AFF3: variants seen among roughly 807,000 people sequenced by gnomAD.
AFF3 encodes the protein ALF transcription elongation factor 3, also known as AF4/FMR2 family member 3.
A neutral mutation model predicts 129.7 loss-of-function variants in AFF3; 32 were observed. The ratio of observed to expected loss-of-function variants is 0.25; its 90% CI spans 0.19 to 0.33. The LOEUF (loss-of-function observed/expected upper bound fraction) is 0.33, where lower values mean the gene tolerates loss of function less well. AFF3 is among the 10% of genes least tolerant of loss of function. AFF3 has a pLI of 1.00. For synonymous variants in AFF3, 644 were observed against 635.4 expected, an observed-to-expected ratio of 1.01 and a Z score of -0.20; for missense variants, 1,373 against 1,592.0, an observed-to-expected ratio of 0.86 and a Z score of 2.34.
At chr2:99,937,764 GTA>G (rs1167444164) in intron 7 of AFF3, among the ~76,000 whole-genome samples, 2 of 152,206 alleles carry the variant, frequency 1.3e-5, no homozygotes, top group African/African-American at 4.8e-5. Flanking sequence ...CTTAAGGATG[GTA>G]TGTCTAGTGA....
intron 11 of AFF3, among the ~76,000 whole-genome samples, chr2:99,722,233 C>T (rs1157980828): frequency 6.6e-6 from 1 of 152,116 alleles, no homozygotes; most frequent in East Asian, 1.9e-4. Flanking sequence ...ATCTAGGTCA[C>T]CTCAAGATCT....
At chr2:99,829,549 T>A (rs1246691660) in intron 8 of AFF3, among the ~76,000 whole-genome samples, 9 of 152,206 alleles carry the variant, frequency 5.9e-5, no homozygotes, top group African/African-American at 2.2e-4. Context: ...TCATCACTGG[T>A]CATTAGAGAA....
At position 99,546,432 on chromosome 2, in the gene AFF3, C is replaced by T. The variant is rs1037771215; in HGVS notation, c.*5042G>A. 6 of 232,816 alleles carry T rather than the reference C, an allele frequency of 2.6e-5. No homozygotes were observed. In the Admixed American group the frequency reaches 3.4e-4, roughly 13 times the overall value. 14.4% of individuals were successfully genotyped at this position (232,816 alleles called of 1,614,324 possible). A position where few individuals can be genotyped will look rare whatever the true frequency, so the allele number is the denominator to read the frequency against. On this transcript the variant is annotated 3_prime_UTR_variant, in exon 25 of 25. Coordinates refer to ENST00000672756, the MANE Select transcript of AFF3 (RefSeq NM_001386135.1). Reference sequence around the variant, plus strand: ...AGGACTCAACTGAACTGCCCATCTGCAAACAAACCCTTTCTGCATTTTTCT... The same window carrying T: ...AGGACTCAACTGAACTGCCCATCTGTAAACAAACCCTTTCTGCATTTTTCT...
intron 8 of AFF3, among the ~76,000 whole-genome samples, chr2:99,834,278 A>C (rs1688705332): frequency 6.6e-6 from 1 of 152,150 alleles, no homozygotes. Flanking sequence ...TAGCTGTGTG[A>C]CCTTGGGCAA....
chr2:99,729,976 C>T (rs1679682358), intron 10 of AFF3, among the ~76,000 whole-genome samples: 1 of 151,914 alleles, frequency 6.6e-6, no homozygotes, highest in African/African-American at 2.4e-5. Context: ...AAAAAATGAG[C>T]CACGGAAAGA....
At chr2:99,941,425 T>C (rs532794433) in intron 7 of AFF3, among the ~76,000 whole-genome samples, 11 of 152,300 alleles carry the variant, frequency 7.2e-5, no homozygotes, top group African/African-American at 1.7e-4. Context: ...TAGCACACCA[T>C]AGTAAATCTA....
intron 12 of AFF3, among the ~76,000 whole-genome samples, chr2:99,662,403 A>G (rs1686325663): frequency 6.6e-6 from 1 of 152,194 alleles, no homozygotes; most frequent in Non-Finnish European, 1.5e-5. Context: ...GACTAAAAAG[A>G]AAAACGAACA....
chr2:99,813,249 G>A (rs1477166765), intron 8 of AFF3, among the ~76,000 whole-genome samples: 3 of 152,144 alleles, frequency 2.0e-5, no homozygotes, highest in Non-Finnish European at 2.9e-5. Flanking sequence ...AGATGAGACG[G>A]CACCAGTTCC....
intron 8 of AFF3, among the ~76,000 whole-genome samples, chr2:99,823,779 G>T (rs968333823): frequency 3.3e-5 from 5 of 152,194 alleles, no homozygotes; most frequent in Admixed American, 6.5e-5. Flanking sequence ...CCACACAAAA[G>T]AATGAAATTC....
chr2:99,853,432 A>C (rs1690289654), intron 7 of AFF3, among the ~76,000 whole-genome samples: 1 of 152,206 alleles, frequency 6.6e-6, no homozygotes, highest in Admixed American at 6.5e-5. Context: ...CACCTGTTCA[A>C]GAAAAAGGAA....
intron 4 of AFF3, among the ~76,000 whole-genome samples, chr2:100,077,060 C>T (rs531426388): frequency 6.6e-6 from 1 of 152,020 alleles, no homozygotes; most frequent in Non-Finnish European, 1.5e-5. Flanking sequence ...ACCAGCCTGG[C>T]GAACACAGTG....
At chr2:99,996,493 T>C (rs1000552607) in intron 7 of AFF3, among the ~76,000 whole-genome samples, 1 of 151,526 alleles carries the variant, frequency 6.6e-6, no homozygotes, top group African/African-American at 2.4e-5. Context: ...CATGAGTAGT[T>C]GGGACTACAG....
chr2:99,599,869 T>C (rs918861864), intron 14 of AFF3, among the ~76,000 whole-genome samples: 1 of 152,192 alleles, frequency 6.6e-6, no homozygotes, highest in African/African-American at 2.4e-5. Context: ...ATTTTTTTCA[T>C]TTTGAATTAT....
In AFF3 at chr2:100,060,201, A is replaced by C. The variant is rs373100605; in HGVS notation, c.53+44201T>G. ...ACTTGTCACCTTTATAGTCACTTGAAGAAGTTGGAAAAATACAGTGAAAGT... is the reference window on the plus strand; with the variant it reads ...ACTTGTCACCTTTATAGTCACTTGACGAAGTTGGAAAAATACAGTGAAAGT... On this transcript the variant is annotated intron_variant, in intron 4 of 24. Coordinates refer to ENST00000672756, the MANE Select transcript of AFF3 (RefSeq NM_001386135.1). Among the ~76,000 whole-genome samples the C allele has an allele frequency of 2.1e-4, 32 of 152,256 alleles. No homozygotes were observed. The South Asian group carries it at 5.8e-3, about 28-fold the overall frequency.
rs116764616 is a variant in AFF3 at position 99,590,073 on chromosome 2, A to C, written c.2467-2795T>G. ...TCCCCTTCTGCCAATCAGAGGCCCTACCTGTGGTGCCCGAGTTGTCAGGCA... is the reference window on the plus strand; with the variant it reads ...TCCCCTTCTGCCAATCAGAGGCCCTCCCTGTGGTGCCCGAGTTGTCAGGCA... On this transcript the variant is annotated intron_variant, in intron 15 of 24. Coordinates refer to ENST00000672756, the MANE Select transcript of AFF3 (RefSeq NM_001386135.1). 1.6e-3 allele frequency among the ~76,000 whole-genome samples: 244 copies of C among 152,240 alleles called. 1 individual carries two copies. Among genetic ancestry groups the C allele is most frequent in the African/African-American group, 5.6e-3 (234 of 41,544 alleles).
Position 99,670,235 on chromosome 2 carries a change from G to A in AFF3, c.1143+2303C>T, listed in dbSNP as rs142502711. ...GGAGAAAAGGAAACCTCAGATAGGA[G>A]TGTTCAAAAGCATGGAGTCTGAGGC... On this transcript the variant is annotated intron_variant, in intron 12 of 24. Transcript: ENST00000672756. 3.3e-5 allele frequency among the ~76,000 whole-genome samples: 5 copies of A among 150,920 alleles called. No individual in the cohort carries two copies. The East Asian group carries it at 7.7e-4, about 23-fold the overall frequency.
chr2:100,074,820 C>T (rs1311481487), intron 4 of AFF3, among the ~76,000 whole-genome samples: 2 of 152,134 alleles, frequency 1.3e-5, no homozygotes, highest in Non-Finnish European at 2.9e-5. Context: ...CTTATTTATG[C>T]CAATAACACA....
At chr2:99,577,092 C>T (rs530836666) in intron 18 of AFF3, among the ~76,000 whole-genome samples, 1 of 152,280 alleles carries the variant, frequency 6.6e-6, no homozygotes, top group Admixed American at 6.5e-5. Flanking sequence ...AACCCAGTTA[C>T]CTTGGAATGT....
intron 7 of AFF3, among the ~76,000 whole-genome samples, chr2:99,916,307 C>G (rs994921397): frequency 1.3e-5 from 2 of 152,166 alleles, no homozygotes; most frequent in Non-Finnish European, 2.9e-5. Flanking sequence ...CATCCCTCAC[C>G]CTGTTTTGGT....
Sources: gnomAD v4.1 joint callset for allele counts (sites outside exome capture counted in the v4.1 genomes callset) on GRCh38, gnomAD v4.1.1 for gene constraint, MANE v1.5 for transcripts, NCBI Gene and HGNC (gene_info 2026-07-23, HGNC 2026-07-21) for gene names.